SSX2IP: variants seen among roughly 807,000 people sequenced by gnomAD.
SSX2IP encodes afadin- and alpha-actinin-binding protein.
Under a neutral mutation model 84.9 loss-of-function variants are expected in SSX2IP, and 55 were observed. The ratio of observed to expected loss-of-function variants is 0.65; its 90% confidence interval spans 0.52 to 0.81. SSX2IP has a LOEUF of 0.81. Among genes scored for constraint, SSX2IP ranks in the 30% least tolerant of loss-of-function variants. The pLI is 0.00. For missense variants in SSX2IP, 664 were observed against 705.2 expected, an observed-to-expected ratio of 0.94 and a Z score of 0.66; for synonymous variants, 239 against 234.7, an observed-to-expected ratio of 1.02 and a Z score of -0.17.
chr1:84,678,552 C>T (rs1654676835), intron 1 of SSX2IP, among the ~76,000 whole-genome samples: 1 of 152,140 alleles, frequency 6.6e-6, no homozygotes, highest in East Asian at 1.9e-4. Context: ...GTATCCCCTC[C>T]CTCCCACTAA....
intron 1 of SSX2IP, chr1:84,680,395 A>G (rs560906893): frequency 6.6e-6 from 1 of 152,340 alleles, no homozygotes; most frequent in East Asian, 1.9e-4. Flanking sequence ...CATCTGCAAA[A>G]GGAGAGTAAA....
intron 4 of SSX2IP, 38 bp from the exon 5 acceptor site, chr1:84,666,270 A>G (rs1273000573): frequency 1.4e-6 from 2 of 1,457,112 alleles, no homozygotes; most frequent in Admixed American, 3.5e-5. Flanking sequence ...AAAATTAATA[A>G]AGGATTTAGA....
chr1:84,658,355 T>A lies in SSX2IP; in HGVS notation c.1041A>T (p.Arg347Ser). Residue 347 changes from arginine (R) to serine (S), a missense_variant, in exon 9 of 14, where the codon AGA (arginine) becomes AGT (serine). Arg to Ser is a moderately radical substitution (Grantham distance 110). Coordinates refer to ENST00000342203, the MANE Select transcript of SSX2IP (RefSeq NM_001166293.2). The part of the protein sequence containing the change: ...QLTNSIRKQW[R>S]ILKSHVEKLD... ...GCTTTTCTACATGACTTTTCAAAAT[T>A]CTCCACTGTTTTCTGATGCTGTTTG... 1 of 1,614,104 alleles carries A rather than the reference T, an allele frequency of 6.2e-7. No homozygotes were observed.
At chr1:84,671,960 T>C (rs980742601) in intron 1 of SSX2IP, among the ~76,000 whole-genome samples, 2 of 152,200 alleles carry the variant, frequency 1.3e-5, no homozygotes, top group African/African-American at 4.8e-5. Flanking sequence ...AATGTGTTTA[T>C]GTTTCCATAG....
At chr1:84,680,391 C>T (rs2102553279) in intron 1 of SSX2IP, 1 of 152,142 alleles carries the variant, frequency 6.6e-6, no homozygotes, top group South Asian at 2.1e-4. Flanking sequence ...TCCTCATCTG[C>T]AAAAGGAGAG....
Position 84,669,887 on chromosome 1 carries a change from T to C in SSX2IP, c.220A>G (p.Thr74Ala). 2 of 1,612,094 alleles carry C rather than the reference T, an allele frequency of 1.2e-6. No homozygotes were observed. Among genetic ancestry groups the C allele is most frequent in the South Asian group, 2.2e-5 (2 of 90,972 alleles). ...TATAATGAAGGAAAACCAAAAGTAG[T>C]CAATTCCTGGTAGGAGAAAATGTTT... ...QSISYLDQEL[T>A]TFGFPSLYEE... Residue 74 changes from threonine to alanine, a missense_variant, in exon 4 of 14, where the codon ACT becomes GCT. Physicochemically the swap from Thr to Ala is moderately conservative, Grantham distance 58. Transcript: ENST00000342203.
Position 84,669,776 on chromosome 1 carries a change from G to A in SSX2IP, c.331C>T (p.Arg111Trp), listed in dbSNP as rs781358616. ...NCMNELLVLQ[R>W]KNLLAQENVE... The stretch of plus-strand genomic sequence containing the variant: ...TTTTCCTGAGCTAGAAGGTTCTTCC[G>A]CTGAAGCACAAGCAGCTCATTCATA... Residue 111 changes from arginine (R) to tryptophan (W), a missense_variant, in exon 4 of 14, where the codon CGG (arginine) becomes TGG (tryptophan). Physicochemically the swap from Arg to Trp is moderately radical, Grantham distance 101. Transcript: ENST00000342203. The A allele has an allele frequency of 3.8e-5, 62 of 1,613,558 alleles. 1 individual carries two copies. The highest frequency in any genetic ancestry group is 4.7e-5 in the Non-Finnish European group (55 of 1,179,768).
chr1:84,690,308 C>A (rs1214743089), intron 1 of SSX2IP, 63 bp downstream of exon 1: 2 of 151,068 alleles, frequency 1.3e-5, no homozygotes, highest in African/African-American at 4.9e-5. Context: ...CCGGCGCCCA[C>A]CCCCGCCCGC....
intron 1 of SSX2IP, among the ~76,000 whole-genome samples, chr1:84,682,710 GC>G (rs1457352153): frequency 7.9e-5 from 12 of 151,964 alleles, no homozygotes; most frequent in African/African-American, 2.9e-4. Context: ...CACCATGTTG[GC>G]CAGACTGGTC....
At chr1:84,672,346 A>G (rs1653698243) in intron 1 of SSX2IP, among the ~76,000 whole-genome samples, 1 of 151,804 alleles carries the variant, frequency 6.6e-6, no homozygotes, top group African/African-American at 2.4e-5. Flanking sequence ...TGATGTTTTT[A>G]TGAGATACTG....
intron 6 of SSX2IP, 67 bp from the exon 7 acceptor site, chr1:84,662,597 T>C (rs2994437): frequency 0.92 from 1,422,908 of 1,539,110 alleles, 659,032 homozygotes; most frequent in Non-Finnish European, 0.94. Context: ...CTCTAATGCA[T>C]TCTATACACG....
intron 5 of SSX2IP, 69 bp downstream of exon 5, chr1:84,666,053 A>ATT: frequency 8.7e-7 from 1 of 1,151,158 alleles, no homozygotes. Flanking sequence ...AGTGGCTCTT[A>ATT]TGGTCATCTC....
chr1:84,647,506 G>C lies in SSX2IP; in HGVS notation c.1772C>G (p.Ser591Ter). ...GCATCCACTATAGCAACCTTCCTGT[G>C]ATCCAGGTCTTGATGCCACACTCCA... is the stretch of plus-strand genomic sequence containing the variant. ...QKWSVASRPG[S>*]QEGCYSGCSL... Residue 591 changes from serine (S) to a stop codon, truncating the protein, a stop_gained, in exon 14 of 14, where the codon TCA becomes TGA. Coordinates refer to ENST00000342203, the MANE Select transcript of SSX2IP (RefSeq NM_001166293.2). LOFTEE classifies it high-confidence loss of function. 6.2e-7 allele frequency: 1 copy of C among 1,613,050 alleles called. No individual in the cohort carries two copies. The highest frequency in any genetic ancestry group is 2.2e-5 in the East Asian group (1 of 44,780).
At position 84,644,873 on chromosome 1, in the gene SSX2IP, A is replaced by G. The variant is rs1304122778; in HGVS notation, c.*2560T>C. 1 of 152,262 alleles carries G rather than the reference A, an allele frequency of 6.6e-6. No individual in the cohort carries two copies. The highest frequency in any genetic ancestry group is 1.9e-4 in the East Asian group (1 of 5,208). 9.4% of individuals were successfully genotyped at this position (152,262 alleles called of 1,614,324 possible). A position where few individuals can be genotyped will look rare whatever the true frequency, so the allele number is the denominator to read the frequency against. Reference sequence around the variant, plus strand: ...CAATTTGCTGTGAACTGTCCTGTGTATCTAATCATTTAATACATTGCTTCT... The same window carrying G: ...CAATTTGCTGTGAACTGTCCTGTGTGTCTAATCATTTAATACATTGCTTCT... On this transcript the variant is annotated 3_prime_UTR_variant, in exon 14 of 14. Transcript: ENST00000342203.
chr1:84,663,942 C>T (rs565651729), intron 6 of SSX2IP, among the ~76,000 whole-genome samples: 1 of 152,150 alleles, frequency 6.6e-6, no homozygotes, highest in Non-Finnish European at 1.5e-5. Flanking sequence ...ATACCTTAGA[C>T]ACACACACGC....
At chr1:84,650,289 G>T in intron 13 of SSX2IP, 73 bp downstream of exon 13, 2 of 1,452,180 alleles carry the variant, frequency 1.4e-6, no homozygotes, top group Non-Finnish European at 1.9e-6. Context: ...CTACAGACAT[G>T]CCACCTTTCC....
chr1:84,660,666 G>T (rs573116378), intron 8 of SSX2IP, among the ~76,000 whole-genome samples: 39 of 152,112 alleles, frequency 2.6e-4, no homozygotes, highest in Admixed American at 1.6e-3. Flanking sequence ...TCTGGAGGCT[G>T]AGGCAGGAGA....
At chr1:84,666,032 T>C in intron 5 of SSX2IP, 90 bp downstream of exon 5, 1 of 933,572 alleles carries the variant, frequency 1.1e-6, no homozygotes, top group Non-Finnish European at 1.7e-6. Context: ...GTTCTTTCTT[T>C]TTTCAAGTAA....
intron 1 of SSX2IP, among the ~76,000 whole-genome samples, chr1:84,679,786 G>A (rs6576719): frequency 0.92 from 139,502 of 152,244 alleles, 64,215 homozygotes; most frequent in East Asian, 1. Context: ...CTTTACGTAT[G>A]TAATTAAGTC....
Sources: gnomAD v4.1 joint callset for allele counts (sites outside exome capture counted in the v4.1 genomes callset) on GRCh38, gnomAD v4.1.1 for gene constraint, MANE v1.5 for transcripts, NCBI Gene and HGNC (gene_info 2026-07-23, HGNC 2026-07-21) for gene names.